The following FAF1 variants were observed in gnomAD, a reference collection of about 807,000 sequenced individuals.
FAF1 encodes Fas associated factor 1.
FAF1 carries 25 observed loss-of-function variants against 92.5 expected under a neutral mutation model. That is an observed-to-expected ratio of 0.27 (90% CI 0.20 to 0.38). FAF1 has a LOEUF of 0.38. Among genes scored for constraint, FAF1 ranks in the 10% least tolerant of loss-of-function variants. The pLI is 1.00. For missense variants in FAF1, 636 were observed against 793.3 expected (o/e 0.80, Z 2.38); for synonymous variants, 234 against 273.2 (o/e 0.86, Z 1.42).
chr1:50,569,041 ACTCGGGGTTT>A (rs1650302615), intron 12 of FAF1, among the ~76,000 whole-genome samples: 1 of 152,012 alleles, frequency 6.6e-6, no homozygotes, highest in Non-Finnish European at 1.5e-5. Context: ...AACAAGAAAG[ACTCGGGGTTT>A]CTTCATCTAT....
chr1:50,739,057 T>TA (rs1569862336), intron 5 of FAF1, 103 bp from the exon 6 acceptor site: 1 of 727,620 alleles, frequency 1.4e-6, no homozygotes, highest in Non-Finnish European at 2.2e-6. Flanking sequence ...TAGTTTTTTT[T>TA]ATCTTTTGAT....
intron 15 of FAF1, among the ~76,000 whole-genome samples, chr1:50,533,875 A>G (rs755655711): frequency 2.0e-5 from 3 of 152,178 alleles, no homozygotes; most frequent in Non-Finnish European, 4.4e-5. Context: ...TCCACGTAAT[A>G]ATGACTTCTT....
At chr1:50,692,241 C>CTGTGTGTGTGTGTGTGTGTGTGTG (rs59187392) in intron 7 of FAF1, among the ~76,000 whole-genome samples, 1 of 129,002 alleles carries the variant, frequency 7.8e-6, no homozygotes, top group Non-Finnish European at 1.6e-5. Context: ...GAAGTATTTA[C>CTGTGTGTGTGTGTGTGTGTGTGTG]TGTGTGTGTG....
chr1:50,764,606 G>C (rs1660492427), intron 4 of FAF1, among the ~76,000 whole-genome samples: 1 of 152,164 alleles, frequency 6.6e-6, no homozygotes, highest in East Asian at 1.9e-4. Context: ...GGCTCACCTT[G>C]CTTGTTTCCC....
intron 18 of FAF1, among the ~76,000 whole-genome samples, chr1:50,467,524 A>G (rs1042291671): frequency 6.6e-6 from 1 of 152,058 alleles, no homozygotes; most frequent in African/African-American, 2.4e-5. Flanking sequence ...CATGTTAGCC[A>G]GGACGGTCTC....
intron 7 of FAF1, among the ~76,000 whole-genome samples, chr1:50,698,296 T>C (rs1452337716): frequency 6.6e-6 from 1 of 152,150 alleles, no homozygotes; most frequent in African/African-American, 2.4e-5. Flanking sequence ...GAAGAAATTA[T>C]AGCCTTTCCC....
At chr1:50,466,700 A>C (rs1414924271) in intron 18 of FAF1, among the ~76,000 whole-genome samples, 1 of 152,166 alleles carries the variant, frequency 6.6e-6, no homozygotes, top group Non-Finnish European at 1.5e-5. Flanking sequence ...TCTGTAACTC[A>C]ACAAATTTTA....
At chr1:50,872,550 AG>A (rs1205357230) in intron 1 of FAF1, among the ~76,000 whole-genome samples, 1 of 152,228 alleles carries the variant, frequency 6.6e-6, no homozygotes, top group Non-Finnish European at 1.5e-5. Flanking sequence ...AAGCAGCAGT[AG>A]GGTTTGAGAG....
At chr1:50,752,691 TTTTG>T (rs1382422662) in intron 4 of FAF1, among the ~76,000 whole-genome samples, 1 of 152,114 alleles carries the variant, frequency 6.6e-6, no homozygotes, top group African/African-American at 2.4e-5. Flanking sequence ...TTTGGTTTTG[TTTTG>T]TTTTTTTGAG....
intron 15 of FAF1, among the ~76,000 whole-genome samples, chr1:50,526,353 T>C (rs1426923649): frequency 6.6e-6 from 1 of 151,872 alleles, no homozygotes; most frequent in Non-Finnish European, 1.5e-5. Flanking sequence ...CCCAGCACTT[T>C]GGAAGGCTGA....
intron 2 of FAF1, among the ~76,000 whole-genome samples, chr1:50,806,829 A>C (rs1400924617): frequency 6.6e-6 from 1 of 152,188 alleles, no homozygotes; most frequent in Non-Finnish European, 1.5e-5. Context: ...CTTATACTAC[A>C]ATTAAACCTC....
intron 7 of FAF1, among the ~76,000 whole-genome samples, chr1:50,675,353 G>A (rs1046853502): frequency 8.5e-5 from 13 of 152,164 alleles, no homozygotes; most frequent in Admixed American, 6.5e-5. Context: ...TTCAAGAGCC[G>A]CCCAGTAAGT....
chr1:50,837,016 G>A (rs1455402476), intron 2 of FAF1, among the ~76,000 whole-genome samples: 7 of 138,578 alleles, frequency 5.1e-5, no homozygotes, highest in African/African-American at 1.9e-4. Flanking sequence ...GGAGTGCAGT[G>A]GTGTGATCTC....
At chr1:50,927,438 C>T (rs1557592406) in intron 1 of FAF1, among the ~76,000 whole-genome samples, 3 of 151,892 alleles carry the variant, frequency 2.0e-5, no homozygotes, top group East Asian at 1.9e-4. Flanking sequence ...AAAAATGAGC[C>T]GGGCATGGTG....
chr1:50,525,957 G>C (rs1165793244), intron 15 of FAF1, among the ~76,000 whole-genome samples: 2 of 152,120 alleles, frequency 1.3e-5, no homozygotes, highest in Non-Finnish European at 2.9e-5. Context: ...CTGAGTACAT[G>C]ATACTCACCC....
chr1:50,621,405 T>C (rs1181414541), intron 8 of FAF1, among the ~76,000 whole-genome samples: 2 of 136,924 alleles, frequency 1.5e-5, no homozygotes, highest in South Asian at 2.5e-4. Flanking sequence ...TTTTTTTTTT[T>C]TTTTTTTTTT....
At chr1:50,488,573 T>C (rs1352875138) in intron 17 of FAF1, among the ~76,000 whole-genome samples, 2 of 152,248 alleles carry the variant, frequency 1.3e-5, no homozygotes, top group East Asian at 3.8e-4. Context: ...AAAAGGATAG[T>C]GACTAATTTC....
intron 13 of FAF1, among the ~76,000 whole-genome samples, chr1:50,559,164 T>C (rs1649739236): frequency 6.6e-6 from 1 of 151,960 alleles, no homozygotes; most frequent in Non-Finnish European, 1.5e-5. Context: ...GACAGGAGAA[T>C]TGCTTGAACC....
chr1:50,449,888 C>T (rs962852378), intron 18 of FAF1, among the ~76,000 whole-genome samples: 11 of 152,040 alleles, frequency 7.2e-5, no homozygotes, highest in South Asian at 4.2e-4. Context: ...TAATTATTAA[C>T]ATCATCCCTA....
Sources: allele counts gnomAD v4.1 joint callset (sites outside exome capture counted in the v4.1 genomes callset), GRCh38; gene constraint gnomAD v4.1.1; transcripts MANE v1.5; gene names NCBI Gene and HGNC (gene_info 2026-07-23, HGNC 2026-07-21).